The following GRAMD1C variants were observed in gnomAD, a reference collection of about 807,000 sequenced individuals.
GRAMD1C encodes protein Aster-C.
GRAMD1C carries 89 observed loss-of-function variants against 97.8 expected under a neutral mutation model. The ratio of observed to expected loss-of-function variants is 0.91; its 90% confidence interval spans 0.77 to 1.09. The LOEUF is 1.09. GRAMD1C is among the 50% of genes least tolerant of loss of function. GRAMD1C has a pLI of 0.00. For synonymous variants in GRAMD1C, 256 were observed against 267.0 expected (o/e 0.96, Z 0.40); for missense variants, 740 against 766.4 (o/e 0.97, Z 0.41).
In GRAMD1C at chr3:113,893,496, C is replaced by T. The variant is rs1352456863; in HGVS notation, c.541-7535C>T. 2.0e-5 allele frequency among the ~76,000 whole-genome samples: 3 copies of T among 151,820 alleles called. No homozygotes were observed. In the East Asian group the frequency reaches 5.8e-4, roughly 29 times the overall value. On this transcript the variant is annotated intron_variant, in intron 6 of 17. Transcript: ENST00000358160. The stretch of plus-strand genomic sequence containing the variant: ...AAGTCAGGTTCTTTCTTTTAGTTTT[C>T]TATAACATTTTGTATTTCTATAATA...
intron 10 of GRAMD1C, among the ~76,000 whole-genome samples, chr3:113,922,455 TGGTGTAA>T (rs1937094491): frequency 6.6e-6 from 1 of 152,174 alleles, no homozygotes; most frequent in Non-Finnish European, 1.5e-5. Flanking sequence ...TTTTTATATA[TGGTGTAA>T]GGAAGGGGGC....
At chr3:113,846,459 T>C (rs1185828916) in intron 2 of GRAMD1C, among the ~76,000 whole-genome samples, 1 of 152,190 alleles carries the variant, frequency 6.6e-6, no homozygotes, top group Non-Finnish European at 1.5e-5. Context: ...ACCTTCATAC[T>C]CTTAGGGACT....
At chr3:113,916,502 A>G (rs913641561) in intron 10 of GRAMD1C, among the ~76,000 whole-genome samples, 1 of 152,270 alleles carries the variant, frequency 6.6e-6, no homozygotes, top group Non-Finnish European at 1.5e-5. Flanking sequence ...TCCAGATACA[A>G]AAGAGTACAT....
At position 113,936,150 on chromosome 3, in the gene GRAMD1C, AT is replaced by A. The variant is rs1222850839; in HGVS notation, c.1457-115del. 4.9e-6 allele frequency: 3 copies of A among 615,924 alleles called. No individual in the cohort carries two copies. In the East Asian group the frequency reaches 8.5e-5, roughly 17 times the overall value. 38.2% of individuals were successfully genotyped at this position (615,924 alleles called of 1,614,324 possible). On this transcript the variant is annotated intron_variant, in intron 13 of 17. Coordinates refer to ENST00000358160, the MANE Select transcript of GRAMD1C (RefSeq NM_017577.5). ...TAAGTGTAAAATTTGAATCTAGGTC[AT>A]AAGAACCTAAGGAATTTGTTAAAGA...
At chr3:113,928,130 A>T (rs1229084847) in intron 10 of GRAMD1C, among the ~76,000 whole-genome samples, 1 of 152,076 alleles carries the variant, frequency 6.6e-6, no homozygotes, top group Non-Finnish European at 1.5e-5. Context: ...CTCTGTGCTG[A>T]TCCCAGAGGG....
At chr3:113,920,665 T>C (rs1316558118) in intron 10 of GRAMD1C, among the ~76,000 whole-genome samples, 2 of 152,104 alleles carry the variant, frequency 1.3e-5, no homozygotes, top group African/African-American at 4.8e-5. Context: ...CTTATTCTCC[T>C]GAGTAGCTAG....
At chr3:113,885,531 T>C in intron 6 of GRAMD1C, 2 of 1,606,050 alleles carry the variant, frequency 1.2e-6, no homozygotes. Flanking sequence ...CCCACCATGA[T>C]GGGGTCCTGA....
chr3:113,907,370 A>G (rs1231088160), intron 8 of GRAMD1C, among the ~76,000 whole-genome samples: 1 of 152,252 alleles, frequency 6.6e-6, no homozygotes, highest in Non-Finnish European at 1.5e-5. Context: ...TGCAAAACTT[A>G]TTCATCTAGA....
chr3:113,834,819 T>C (rs1324912306), upstream of GRAMD1C, among the ~76,000 whole-genome samples: 5 of 151,644 alleles, frequency 3.3e-5, no homozygotes, highest in African/African-American at 9.7e-5. Context: ...GGGCACCTGT[T>C]ATCCCAGCTA....
chr3:113,931,925 C>CA (rs1207286069), intron 11 of GRAMD1C, among the ~76,000 whole-genome samples: 3 of 151,858 alleles, frequency 2.0e-5, no homozygotes, highest in African/African-American at 4.8e-5. Flanking sequence ...GACTCTGTCT[C>CA]AAAAATAAAA....
At chr3:113,928,861 T>G (rs887926748) in intron 10 of GRAMD1C, among the ~76,000 whole-genome samples, 1 of 152,230 alleles carries the variant, frequency 6.6e-6, no homozygotes, top group Non-Finnish European at 1.5e-5. Context: ...ATTTTGTTTA[T>G]CCGTTCATCC....
At chr3:113,889,801 G>C (rs1365185563) in intron 6 of GRAMD1C, among the ~76,000 whole-genome samples, 1 of 151,946 alleles carries the variant, frequency 6.6e-6, no homozygotes. Flanking sequence ...ACTGAGCCTG[G>C]CTAATTTTGT....
Position 113,881,573 on chromosome 3 carries a change from G to A in GRAMD1C, c.460-1179G>A, listed in dbSNP as rs925729278. On this transcript the variant is annotated intron_variant, in intron 5 of 17. Coordinates refer to ENST00000358160, the MANE Select transcript of GRAMD1C (RefSeq NM_017577.5). ...GGGCGTTTTAAGGAGTTGGGAATGTGGTGGTTGTGCGTGAGAGTGGATAAA... is the reference window on the plus strand; with the variant it reads ...GGGCGTTTTAAGGAGTTGGGAATGTAGTGGTTGTGCGTGAGAGTGGATAAA... Among the ~76,000 whole-genome samples the A allele has an allele frequency of 7.0e-4, 107 of 152,368 alleles. 1 individual carries two copies. Among genetic ancestry groups the A allele is most frequent in the Non-Finnish European group, 3.1e-4 (21 of 68,032 alleles).
chr3:113,835,293 C>T (rs1279044208), upstream of GRAMD1C, among the ~76,000 whole-genome samples: 1 of 152,194 alleles, frequency 6.6e-6, no homozygotes, highest in African/African-American at 2.4e-5. Flanking sequence ...CATAATTTCT[C>T]CTTTCTCTTC....
chr3:113,890,882 G>C, intron 6 of GRAMD1C: 1 of 549,968 alleles, frequency 1.8e-6, no homozygotes. Flanking sequence ...GCTCTCTGAA[G>C]TGAGAAGAAG....
intron 10 of GRAMD1C, among the ~76,000 whole-genome samples, chr3:113,922,662 T>C (rs960033671): frequency 6.6e-6 from 1 of 152,254 alleles, no homozygotes; most frequent in African/African-American, 2.4e-5. Flanking sequence ...AGTACCATGC[T>C]GTTTTGGTTA....
intron 10 of GRAMD1C, among the ~76,000 whole-genome samples, chr3:113,926,799 T>G (rs1482663680): frequency 6.6e-6 from 1 of 152,178 alleles, no homozygotes; most frequent in African/African-American, 2.4e-5. Flanking sequence ...CTGGACTGTG[T>G]GCTCTAACTG....
At chr3:113,893,692 A>G (rs1195279916) in intron 6 of GRAMD1C, among the ~76,000 whole-genome samples, 1 of 152,228 alleles carries the variant, frequency 6.6e-6, no homozygotes, top group Admixed American at 6.5e-5. Flanking sequence ...GTACGGTCTG[A>G]AACTGTCTGG....
At chr3:113,914,030 T>A (rs905806369) in intron 9 of GRAMD1C, among the ~76,000 whole-genome samples, 3 of 152,188 alleles carry the variant, frequency 2.0e-5, no homozygotes, top group African/African-American at 7.2e-5. Context: ...AATAAATCAA[T>A]AAAAATATAA....
Sources: gnomAD v4.1 joint callset for allele counts (sites outside exome capture counted in the v4.1 genomes callset) on GRCh38, gnomAD v4.1.1 for gene constraint, MANE v1.5 for transcripts, NCBI Gene and HGNC (gene_info 2026-07-23, HGNC 2026-07-21) for gene names.